TCF7L2: variants seen among roughly 807,000 people sequenced by gnomAD.
TCF7L2 encodes the protein transcription factor 7-like 2.
Under a neutral mutation model 77.9 loss-of-function variants are expected in TCF7L2, and 23 were observed. That is an observed-to-expected ratio of 0.30 (90% CI 0.21 to 0.42). TCF7L2 has a LOEUF of 0.42. Ranked by LOEUF, TCF7L2 falls within the 10% of genes least tolerant of loss-of-function variation. The pLI is 1.00. For synonymous variants in TCF7L2, 413 were observed against 340.2 expected (o/e 1.21, Z -2.36); for missense variants, 654 against 793.1 (o/e 0.82, Z 2.11).
intron 3 of TCF7L2, among the ~76,000 whole-genome samples, chr10:112,960,892 C>T (rs1311926698): frequency 1.1e-4 from 16 of 151,906 alleles, no homozygotes. Flanking sequence ...GGTGTTTCGC[C>T]ATCTTGGCCA....
intron 5 of TCF7L2, chr10:113,129,461 G>A: frequency 9.9e-7 from 1 of 1,014,862 alleles, no homozygotes; most frequent in Non-Finnish European, 1.2e-6. Context: ...ATTCTGTAGT[G>A]GCAAAGATTA....
At chr10:113,085,629 T>G (rs2059760271) in intron 5 of TCF7L2, among the ~76,000 whole-genome samples, 2 of 152,178 alleles carry the variant, frequency 1.3e-5, no homozygotes, top group Admixed American at 6.5e-5. Context: ...ACTACGACTT[T>G]ATGGGTGGCA....
chr10:113,023,957 A>C (rs1248376086), intron 4 of TCF7L2, among the ~76,000 whole-genome samples: 1 of 151,446 alleles, frequency 6.6e-6, no homozygotes, highest in Non-Finnish European at 1.5e-5. Context: ...TGCGACTTGC[A>C]TGTAGACAGT....
In TCF7L2 at chr10:112,964,640, G is replaced by A. The variant is rs2134601015; in HGVS notation, c.450+16G>A. ...TGCAGTTCAGGTAGGAAACGCAAGA[G>A]ATTCTGAAGCTTGAATTGTCTATAT... On this transcript the variant is annotated intron_variant, in intron 4 of 13. Coordinates refer to ENST00000627217, the MANE Select transcript of TCF7L2 (RefSeq NM_001146274.2). 2.5e-6 allele frequency: 4 copies of A among 1,610,104 alleles called. No individual in the cohort carries two copies. Among genetic ancestry groups the A allele is most frequent in the Non-Finnish European group, 3.4e-6 (4 of 1,176,662 alleles).
intron 5 of TCF7L2, among the ~76,000 whole-genome samples, chr10:113,118,466 T>C (rs1462702895): frequency 5.9e-5 from 9 of 151,996 alleles, no homozygotes; most frequent in Non-Finnish European, 2.9e-5. Flanking sequence ...TGACAGACTT[T>C]GTTGCCTTTT....
At chr10:112,966,207 T>TATATATATATAA (rs2036847191) in intron 4 of TCF7L2, among the ~76,000 whole-genome samples, 1 of 140,800 alleles carries the variant, frequency 7.1e-6, no homozygotes, top group African/African-American at 2.8e-5. Context: ...TATATATATA[T>TATATATATATAA]ATATTTTCTT....
At chr10:113,158,557 TA>T in intron 12 of TCF7L2, 109 bp from the exon 13 acceptor site, 1 of 1,059,062 alleles carries the variant, frequency 9.4e-7, no homozygotes, top group South Asian at 1.4e-5. Flanking sequence ...TAGAAGAAAT[TA>T]GAAATACTGC....
intron 3 of TCF7L2, among the ~76,000 whole-genome samples, chr10:112,958,118 C>T (rs901466779): frequency 6.6e-6 from 1 of 152,216 alleles, no homozygotes; most frequent in African/African-American, 2.4e-5. Context: ...AACGGGTTAT[C>T]AGCCGAGGTG....
intron 5 of TCF7L2, among the ~76,000 whole-genome samples, chr10:113,104,677 A>C (rs1001675044): frequency 6.6e-6 from 1 of 151,076 alleles, no homozygotes; most frequent in African/African-American, 2.4e-5. Flanking sequence ...TTTGATCTCA[A>C]ATATCTCAGC....
chr10:113,146,077 C>G lies in TCF7L2; in HGVS notation c.855C>G (p.Thr285=), dbSNP rs145083306. ...GACACCCCTACCCCACAGCTCTGAC[C>G]GTCAATGCTTCCATGTCCAGGTGAG... Residue 285 remains threonine (T), a synonymous_variant, in exon 8 of 14, where the codon ACC becomes ACG. Transcript: ENST00000627217. 6.2e-7 allele frequency: 1 copy of G among 1,613,770 alleles called. No individual in the cohort carries two copies. The highest frequency in any genetic ancestry group is 8.5e-7 in the Non-Finnish European group (1 of 1,179,942).
intron 4 of TCF7L2, among the ~76,000 whole-genome samples, chr10:113,038,737 G>A (rs1020197362): frequency 6.6e-6 from 1 of 151,988 alleles, no homozygotes; most frequent in Non-Finnish European, 1.5e-5. Flanking sequence ...CTGAGTCTCT[G>A]TCACAGTGTC....
chr10:113,151,959 A>G lies in TCF7L2; in HGVS notation c.1161+75A>G. Reference sequence around the variant, plus strand: ...CAGAGTGCAGCAGGTCAGGTGGCAGAATGTCTCTGTCCCCATTTCTTTGGA... The same window carrying G: ...CAGAGTGCAGCAGGTCAGGTGGCAGGATGTCTCTGTCCCCATTTCTTTGGA... On this transcript the variant is annotated intron_variant, in intron 10 of 13. Transcript: ENST00000627217. This position sits in a 1 kb window ranked among gnomAD's most constrained non-coding sequence, Gnocchi z 5.2. 4 of 1,523,130 alleles carry G rather than the reference A, an allele frequency of 2.6e-6. No individual in the cohort carries two copies. Among genetic ancestry groups the G allele is most frequent in the South Asian group, 2.7e-5 (2 of 75,350 alleles). The allele number at this position is 1,523,130 out of a possible 1,614,324, so 94.4% of individuals were successfully genotyped here.
intron 4 of TCF7L2, among the ~76,000 whole-genome samples, chr10:113,001,370 C>A (rs902661705): frequency 7.9e-5 from 12 of 152,130 alleles, no homozygotes; most frequent in Admixed American, 3.9e-4. Context: ...AGAAAAATGC[C>A]TGCAGGGTAA....
intron 4 of TCF7L2, among the ~76,000 whole-genome samples, chr10:112,988,536 G>A (rs1469612165): frequency 6.6e-6 from 1 of 152,210 alleles, no homozygotes; most frequent in Non-Finnish European, 1.5e-5. Flanking sequence ...TCCTTTTGGA[G>A]ATAGGCCGAG....
At chr10:113,129,874 A>T in intron 5 of TCF7L2, 1 of 1,290,156 alleles carries the variant, frequency 7.8e-7, no homozygotes, top group Non-Finnish European at 1.0e-6. Context: ...TATGTACCCT[A>T]GGGACACAAT....
intron 5 of TCF7L2, among the ~76,000 whole-genome samples, chr10:113,092,110 G>T (rs930976818): frequency 2.0e-5 from 3 of 152,222 alleles, no homozygotes; most frequent in Non-Finnish European, 2.9e-5. Context: ...TGAGGAAAAT[G>T]AAACAGAAAG....
At chr10:113,157,314 C>T (rs368419573) in intron 11 of TCF7L2, among the ~76,000 whole-genome samples, 4 of 152,108 alleles carry the variant, frequency 2.6e-5, no homozygotes, top group Admixed American at 2.0e-4. Flanking sequence ...GACGGGGTTT[C>T]GCCACGTTGG....
chr10:113,011,387 A>G (rs572885243), intron 4 of TCF7L2, among the ~76,000 whole-genome samples: 2 of 152,270 alleles, frequency 1.3e-5, no homozygotes, highest in Non-Finnish European at 2.9e-5. Flanking sequence ...TTCTGTCCTC[A>G]GGGGCTTTGA....
rs563629187 is a variant in TCF7L2, at chr10:113,035,269, G to A, written c.451-4756G>A. Among the ~76,000 whole-genome samples the A allele has an allele frequency of 9.2e-5, 14 of 152,252 alleles. No individual in the cohort carries two copies. The South Asian group carries it at 2.9e-3, about 32-fold the overall frequency. On this transcript the variant is annotated intron_variant, in intron 4 of 13. Transcript: ENST00000627217. ...GGCCACCGGACATGCTTTTCTGCAT[G>A]CCTGTGTTGGGCTGTTTGGATTGAA...
Sources: allele counts gnomAD v4.1 joint callset (sites outside exome capture counted in the v4.1 genomes callset), GRCh38; gene constraint gnomAD v4.1.1; non-coding constraint Gnocchi (gnomAD v3.1); transcripts MANE v1.5; gene names NCBI Gene and HGNC (gene_info 2026-07-23, HGNC 2026-07-21).